The following FLNB variants were observed in gnomAD, a reference collection of about 807,000 sequenced individuals.
FLNB encodes filamin B, also known as filamin-B.
FLNB carries 111 observed loss-of-function variants against 250.6 expected under a neutral mutation model. The ratio of observed to expected loss-of-function variants is 0.44; its 90% CI spans 0.38 to 0.52. The LOEUF is 0.52. Among genes scored for constraint, FLNB ranks in the 20% least tolerant of loss-of-function variants. The pLI, the probability that FLNB is intolerant of heterozygous loss-of-function variation, is 0.00. For missense variants in FLNB, 2,869 were observed against 3,447.8 expected (o/e 0.83, Z 4.20); for synonymous variants, 1,302 against 1,372.1 (o/e 0.95, Z 1.13).
rs749745418 is a variant in FLNB, at chr3:58,125,735, G to T, written c.4053G>T (p.Val1351=). 3.7e-6 allele frequency: 6 copies of T among 1,614,110 alleles called. No individual in the cohort carries two copies. The South Asian group carries it at 5.5e-5, about 15-fold the overall frequency. Residue 1351 remains valine (V), a synonymous_variant, in exon 23 of 46, where the codon GTG becomes GTT. Coordinates refer to ENST00000295956, the MANE Select transcript of FLNB (RefSeq NM_001457.4). ...CCAACAAGCCCAATGTCTTCACCGT[G>T]GTTACCAGGTAGGCAAGGCCCTACA... ...AFTNKPNVFT[V]VTRGAGIGGL...
chr3:58,041,669 C>T (rs1241085657), intron 1 of FLNB, among the ~76,000 whole-genome samples: 1 of 152,224 alleles, frequency 6.6e-6, no homozygotes, highest in Non-Finnish European at 1.5e-5. Flanking sequence ...TGCCTTGAAT[C>T]CATGCCTTGA....
At position 58,142,080 on chromosome 3, in the gene FLNB, T is replaced by G; in HGVS notation, c.5181+151T>G. On this transcript the variant is annotated intron_variant, in intron 30 of 45. Transcript: ENST00000295956. This position sits in a 1 kb window ranked among gnomAD's most constrained non-coding sequence, Gnocchi z 4.3. ...CTGATCAGCCCATCACGATGATCCC[T>G]GCTTTTTCTGTAATAAGATCACCTT... The G allele has an allele frequency of 2.7e-6, 2 of 731,000 alleles. No homozygotes were observed. Among genetic ancestry groups the G allele is most frequent in the Non-Finnish European group, 5.0e-6 (2 of 401,060 alleles). 45.3% of individuals were successfully genotyped at this position (731,000 alleles called of 1,614,324 possible).
intron 4 of FLNB, among the ~76,000 whole-genome samples, chr3:58,091,642 G>A (rs2097227684): frequency 6.6e-6 from 1 of 151,468 alleles, no homozygotes; most frequent in African/African-American, 2.4e-5. Flanking sequence ...AAAAAAATAA[G>A]TTGGATTTCA....
intron 1 of FLNB, among the ~76,000 whole-genome samples, chr3:58,013,165 AG>A (rs1274668849): frequency 6.6e-6 from 1 of 152,180 alleles, no homozygotes; most frequent in Non-Finnish European, 1.5e-5. Flanking sequence ...GCCAGCTGGG[AG>A]GAAAAGGGGT....
At chr3:58,016,395 G>T (rs1055532427) in intron 1 of FLNB, among the ~76,000 whole-genome samples, 2 of 151,566 alleles carry the variant, frequency 1.3e-5, no homozygotes, top group African/African-American at 4.8e-5. Flanking sequence ...AAAAGGGGTC[G>T]TTTATCTCAG....
chr3:58,149,339 GA>G (rs1189985974), intron 36 of FLNB: 1 of 253,106 alleles, frequency 4.0e-6, no homozygotes, highest in African/African-American at 2.2e-5. Flanking sequence ...CTGCTTTCTT[GA>G]AGGATGGCCA....
At chr3:58,094,777 C>T (rs1005678949) in intron 4 of FLNB, 59 bp from the exon 5 acceptor site, 6 of 1,387,974 alleles carry the variant, frequency 4.3e-6, no homozygotes, top group Non-Finnish European at 4.1e-6. Context: ...ATGCAGTGGG[C>T]GATGGCTCAT....
rs146579435 is a variant in FLNB, at chr3:58,148,768, C to T, written c.6007C>T (p.Arg2003Cys). ...MVVQSEIGDA[R>C]RAKVYGRGLS... is the part of the protein sequence containing the mutation. Reference sequence around the variant, plus strand: ...GGTCCAGTCGGAGATTGGTGACGCCCGCCGAGCCAAAGTCTATGGCCGCGG... The same window carrying T: ...GGTCCAGTCGGAGATTGGTGACGCCTGCCGAGCCAAAGTCTATGGCCGCGG... Residue 2003 changes from arginine (R) to cysteine (C), a missense_variant, in exon 36 of 46, where the codon CGC becomes TGC. By Grantham distance (180) the Arg-to-Cys change is radical. Coordinates refer to ENST00000295956, the MANE Select transcript of FLNB (RefSeq NM_001457.4). 1.4e-5 allele frequency: 23 copies of T among 1,614,062 alleles called. No individual in the cohort carries two copies. The highest frequency in any genetic ancestry group is 1.8e-5 in the Non-Finnish European group (21 of 1,180,028).
chr3:58,166,896 T>C (rs2097371601), intron 43 of FLNB, among the ~76,000 whole-genome samples: 1 of 151,450 alleles, frequency 6.6e-6, no homozygotes, highest in South Asian at 2.1e-4. Flanking sequence ...GAGACCAAGG[T>C]GGGCAGATCA....
At chr3:58,130,960 C>T (rs1181610263) in intron 25 of FLNB, 52 bp downstream of exon 25, 1 of 1,553,714 alleles carries the variant, frequency 6.4e-7, no homozygotes. Flanking sequence ...CAGGCAGGGG[C>T]AGCTGTAACC....
Position 58,169,749 on chromosome 3 carries a change from T to A in FLNB, c.7577T>A (p.Phe2526Tyr), listed in dbSNP as rs767712164. ...AAGGGGGCAGGGCTCTCAAAGGCCT[T>A]TGTGGGCCAGAAGAGTTCCTTCCTG... ...TSKGAGLSKA[F>Y]VGQKSSFLVD... Residue 2526 changes from phenylalanine to tyrosine, a missense_variant, in exon 45 of 46, where the codon TTT becomes TAT. By Grantham distance (22) the Phe-to-Tyr change is conservative. Coordinates refer to ENST00000295956, the MANE Select transcript of FLNB (RefSeq NM_001457.4). The surrounding 1 kb of genome is among the most constrained non-coding windows in gnomAD (Gnocchi z 4.8). 3 of 1,613,266 alleles carry A rather than the reference T, an allele frequency of 1.9e-6. No individual in the cohort carries two copies. The South Asian group carries it at 3.3e-5, about 18-fold the overall frequency.
In FLNB at chr3:58,142,724, G is replaced by A. The variant is rs773899543; in HGVS notation, c.5256G>A (p.Pro1752=). The change falls in exon 31 of 46, where the codon CCG becomes CCA. Residue 1752 remains proline, a synonymous_variant. Coordinates refer to ENST00000295956, the MANE Select transcript of FLNB (RefSeq NM_001457.4). This position sits in a 1 kb window ranked among gnomAD's most constrained non-coding sequence, Gnocchi z 4.3. ...LGFKPFDLVI[P]FAVRKGEITG... ...TTAAGCCTTTTGACCTGGTCATTCC[G>A]TTTGCTGTCAGGAAAGGAGAAATCA... 27 of 1,614,080 alleles carry A rather than the reference G, an allele frequency of 1.7e-5. No homozygotes were observed. Among genetic ancestry groups the A allele is most frequent in the Admixed American group, 6.7e-5 (4 of 60,010 alleles).
rs1576588372 is a variant in FLNB, at chr3:58,017,508, C to G, written c.292+8652C>G. ...TCTCAGGTGATCCGCCCGCTTTGGCCTCTCAAAGTGCTGGGATTGCAGGTG... is the reference window on the plus strand; with the variant it reads ...TCTCAGGTGATCCGCCCGCTTTGGCGTCTCAAAGTGCTGGGATTGCAGGTG... On this transcript the variant is annotated intron_variant, in intron 1 of 45. Coordinates refer to ENST00000295956, the MANE Select transcript of FLNB (RefSeq NM_001457.4). 5.3e-5 allele frequency among the ~76,000 whole-genome samples: 8 copies of G among 152,284 alleles called. No individual in the cohort carries two copies. In the South Asian group the frequency reaches 1.7e-3, roughly 32 times the overall value.
chr3:58,153,708 A>G, intron 39 of FLNB, 67 bp downstream of exon 39: 3 of 1,582,542 alleles, frequency 1.9e-6, no homozygotes, highest in Non-Finnish European at 2.6e-6. Context: ...GTGGGCACCC[A>G]CATACTTTTT....
intron 37 of FLNB, 25 bp downstream of exon 37, chr3:58,150,027 G>A: frequency 1.2e-6 from 2 of 1,614,264 alleles, no homozygotes; most frequent in South Asian, 2.2e-5. Context: ...TTCCCCTCCA[G>A]GTGGGATGCT....
intron 1 of FLNB, among the ~76,000 whole-genome samples, chr3:58,020,780 C>A (rs1325690656): frequency 6.6e-6 from 1 of 150,478 alleles, no homozygotes; most frequent in African/African-American, 2.4e-5. Context: ...GGGTGGAATT[C>A]TGGCATTCGA....
intron 1 of FLNB, among the ~76,000 whole-genome samples, chr3:58,039,312 A>G (rs1167466385): frequency 7.3e-6 from 1 of 137,064 alleles, no homozygotes; most frequent in African/African-American, 2.8e-5. Flanking sequence ...TTGATAGGTA[A>G]AAAAAAAAAA....
intron 4 of FLNB, among the ~76,000 whole-genome samples, chr3:58,085,873 CGGGTGA>C (rs1286776209): frequency 6.6e-6 from 1 of 152,184 alleles, no homozygotes; most frequent in Non-Finnish European, 1.5e-5. Context: ...TGGTTAGCCA[CGGGTGA>C]CCAACCCAAG....
At position 58,008,461 on chromosome 3, in the gene FLNB, A is replaced by G. The variant is rs1485588837; in HGVS notation, c.-104A>G. 5.7e-6 allele frequency: 8 copies of G among 1,395,172 alleles called. No homozygotes were observed. The Admixed American group carries it at 1.2e-4, about 21-fold the overall frequency. The allele number at this position is 1,395,172 out of a possible 1,614,324, so 86.4% of individuals were successfully genotyped here. A position where few individuals can be genotyped will look rare whatever the true frequency, so the allele number is the denominator to read the frequency against. ...CGTGGCTCCGGTAGCAGCAAGTTCG[A>G]ACCCCGCTCCCGCTCCGCTTCGGTT... is the stretch of plus-strand genomic sequence containing the variant. On this transcript the variant is annotated 5_prime_UTR_variant, in exon 1 of 46. Coordinates refer to ENST00000295956, the MANE Select transcript of FLNB (RefSeq NM_001457.4).
Sources: gnomAD v4.1 joint callset for allele counts (sites outside exome capture counted in the v4.1 genomes callset) on GRCh38, gnomAD v4.1.1 for gene constraint, Gnocchi (gnomAD v3.1) non-coding constraint, MANE v1.5 for transcripts, NCBI Gene and HGNC (gene_info 2026-07-23, HGNC 2026-07-21) for gene names.